PCDHA4: variants seen among roughly 807,000 people sequenced by gnomAD.
PCDHA4 encodes the protein protocadherin alpha-4.
A neutral mutation model predicts 61.4 loss-of-function variants in PCDHA4; 49 were observed. The observed-to-expected ratio is 0.80, with a 90% CI of 0.63 to 1.01. The LOEUF (loss-of-function observed/expected upper bound fraction) is 1.01. PCDHA4 is among the 50% of genes least tolerant of loss of function. PCDHA4 has a pLI of 0.00. For synonymous variants in PCDHA4, 590 were observed against 550.3 expected (o/e 1.07, Z -1.01); for missense variants, 1,254 against 1,235.8 (o/e 1.01, Z -0.22).
At chr5:140,811,011 A>C (rs570654154) in intron 1 of PCDHA4, 9 of 152,134 alleles carry the variant, frequency 5.9e-5, no homozygotes, top group African/African-American at 1.2e-4. Context: ...ATTTCTTCTT[A>C]TTATTTTTAT....
intron 1 of PCDHA4, chr5:140,966,810 G>A (rs1290992432): frequency 3.9e-6 from 6 of 1,548,566 alleles, no homozygotes; most frequent in African/African-American, 1.4e-5. Context: ...GAGCATCCAC[G>A]GCTCCGGCGG....
chr5:140,823,864 G>A (rs1317473064), intron 1 of PCDHA4: 3 of 1,613,884 alleles, frequency 1.9e-6, no homozygotes, highest in African/African-American at 1.3e-5. Flanking sequence ...GGATGTCAAC[G>A]TGTACCTGAT....
intron 1 of PCDHA4, among the ~76,000 whole-genome samples, chr5:140,958,822 A>G (rs1554223658): frequency 6.6e-6 from 1 of 152,146 alleles, no homozygotes; most frequent in Non-Finnish European, 1.5e-5. Context: ...TTTAATTTTT[A>G]TATCTTAAAG....
intron 1 of PCDHA4, chr5:140,882,432 A>G: frequency 6.2e-7 from 1 of 1,614,052 alleles, no homozygotes; most frequent in Non-Finnish European, 8.5e-7. Context: ...CTGGGGCTGG[A>G]GCTGGCGGAG....
At chr5:140,982,671 G>T in intron 3 of PCDHA4, 108 bp downstream of exon 3, 1 of 1,454,062 alleles carries the variant, frequency 6.9e-7, no homozygotes, top group South Asian at 1.4e-5. Context: ...TTATATTTTT[G>T]TTATTCCCTT....
rs2150253350 is a variant in PCDHA4 at position 140,836,122 on chromosome 5, T to C, written c.2385+26550T>C. Reference sequence around the variant, plus strand: ...GGCACTGGTGGCGCAGTGAGAGAGCTTGTGCCGCGGTCTGTGGGCGCGGGC... The same window carrying C: ...GGCACTGGTGGCGCAGTGAGAGAGCCTGTGCCGCGGTCTGTGGGCGCGGGC... On this transcript the variant is annotated intron_variant, in intron 1 of 3. Transcript: ENST00000530339. 2.0e-5 allele frequency: 32 copies of C among 1,613,580 alleles called. 2 individuals are homozygous for C. The Admixed American group carries it at 3.3e-4, about 17-fold the overall frequency.
intron 1 of PCDHA4, among the ~76,000 whole-genome samples, chr5:140,920,841 T>TAAAAAAAAA (rs781921146): frequency 9.2e-6 from 1 of 109,226 alleles, no homozygotes; most frequent in Non-Finnish European, 1.9e-5. Context: ...AGACCAAATC[T>TAAAAAAAAA]AAAAAAAAAA....
chr5:140,835,258 A>G (rs2150232835), intron 1 of PCDHA4: 2 of 1,607,720 alleles, frequency 1.2e-6, no homozygotes, highest in African/African-American at 1.4e-5. Flanking sequence ...ATAAAATCCA[A>G]GTTCCACATG....
Position 140,807,698 on chromosome 5 carries a change from A to G in PCDHA4, c.511A>G (p.Arg171Gly). Residue 171 changes from arginine (R) to glycine (G), a missense_variant, in exon 1 of 4, where the codon AGA becomes GGA. Coordinates refer to ENST00000530339, the MANE Select transcript of PCDHA4 (RefSeq NM_018907.4). The part of the protein sequence containing the change: ...DIGENALLTY[R>G]LSPNEYFSLE... ...CGGGGAGAACGCCCTGCTCACTTAC[A>G]GACTGAGCCCAAATGAATACTTTTC... 1 of 1,614,212 alleles carries G rather than the reference A, an allele frequency of 6.2e-7. No homozygotes were observed. The highest frequency in any genetic ancestry group is 8.5e-7 in the Non-Finnish European group (1 of 1,180,040).
At chr5:140,888,753 AC>A (rs1372547782) in intron 1 of PCDHA4, among the ~76,000 whole-genome samples, 1 of 149,022 alleles carries the variant, frequency 6.7e-6, no homozygotes, top group African/African-American at 2.5e-5. Context: ...TATTCTACCC[AC>A]TTTTTTTTTT....
At chr5:140,857,046 G>T in intron 1 of PCDHA4, 1 of 1,595,844 alleles carries the variant, frequency 6.3e-7, no homozygotes, top group Non-Finnish European at 8.6e-7. Flanking sequence ...GTTGGTCACT[G>T]CACGGTCCTA....
At position 140,875,743 on chromosome 5, in the gene PCDHA4, G is replaced by T. The variant is rs782705899; in HGVS notation, c.2385+66171G>T. ...CATTTTGTTTGTGAATTCTCGGATCGACCGCGAGAAGCTGTGCGGGCGGAG... is the reference window on the plus strand; with the variant it reads ...CATTTTGTTTGTGAATTCTCGGATCTACCGCGAGAAGCTGTGCGGGCGGAG... On this transcript the variant is annotated intron_variant, in intron 1 of 3. Coordinates refer to ENST00000530339, the MANE Select transcript of PCDHA4 (RefSeq NM_018907.4). 1.8e-5 allele frequency: 29 copies of T among 1,614,226 alleles called. No individual in the cohort carries two copies. The highest frequency in any genetic ancestry group is 2.2e-5 in the Non-Finnish European group (26 of 1,180,038).
intron 1 of PCDHA4, chr5:140,875,737 C>G: frequency 2.5e-6 from 4 of 1,614,224 alleles, no homozygotes; most frequent in Non-Finnish European, 3.4e-6. Flanking sequence ...TGTGAATTCT[C>G]GGATCGACCG....
At chr5:140,870,178 C>A (rs2051730547) in intron 1 of PCDHA4, 6 of 1,614,096 alleles carry the variant, frequency 3.7e-6, no homozygotes, top group Non-Finnish European at 5.1e-6. Flanking sequence ...CCTCCCAGTA[C>A]GAGAGGACGC....
At chr5:140,883,296 TA>T (rs1389927639) in intron 1 of PCDHA4, 1 of 1,613,994 alleles carries the variant, frequency 6.2e-7, no homozygotes, top group African/African-American at 1.3e-5. Flanking sequence ...GTACTAGATG[TA>T]AATGATAACG....
chr5:140,841,238 G>T, intron 1 of PCDHA4: 1 of 1,482,530 alleles, frequency 6.7e-7, no homozygotes, highest in Non-Finnish European at 9.1e-7. Flanking sequence ...GAGATGCAGC[G>T]GAATTGGATT....
At chr5:140,999,088 G>T (rs1429141341) in intron 3 of PCDHA4, among the ~76,000 whole-genome samples, 1 of 152,156 alleles carries the variant, frequency 6.6e-6, no homozygotes, top group Non-Finnish European at 1.5e-5. Context: ...TCCTTCAGAG[G>T]GCTATGGAGA....
At chr5:140,893,150 A>T (rs1398784015) in intron 1 of PCDHA4, among the ~76,000 whole-genome samples, 2 of 152,066 alleles carry the variant, frequency 1.3e-5, no homozygotes, top group African/African-American at 4.8e-5. Flanking sequence ...TCATCTGTTG[A>T]TGGATATTGA....
chr5:140,990,869 G>A (rs2097420316), intron 3 of PCDHA4, among the ~76,000 whole-genome samples: 3 of 152,192 alleles, frequency 2.0e-5, no homozygotes, highest in African/African-American at 4.8e-5. Context: ...TGTATTTTAA[G>A]TGTATGTTCC....
Sources: allele counts gnomAD v4.1 joint callset (sites outside exome capture counted in the v4.1 genomes callset), GRCh38; gene constraint gnomAD v4.1.1; transcripts MANE v1.5; gene names NCBI Gene and HGNC (gene_info 2026-07-23, HGNC 2026-07-21).